TENM4: variants seen among roughly 807,000 people sequenced by gnomAD.
The protein encoded by TENM4 is teneurin-4.
TENM4 carries 82 observed loss-of-function variants against 243.3 expected under a neutral mutation model. The observed-to-expected ratio is 0.34, with a 90% CI of 0.28 to 0.40. The LOEUF (loss-of-function observed/expected upper bound fraction) is 0.40. Ranked by LOEUF, TENM4 falls within the 10% of genes least tolerant of loss-of-function variation. TENM4 has a pLI of 1.00. For missense variants in TENM4, 3,138 were observed against 3,673.3 expected, an observed-to-expected ratio of 0.85 and a Z score of 3.77; for synonymous variants, 1,412 against 1,456.3, an observed-to-expected ratio of 0.97 and a Z score of 0.69.
rs573012300 is a variant in TENM4, at chr11:78,683,701, C to T, written c.5260+4353G>A. Among the ~76,000 whole-genome samples, 1,369 of 148,752 alleles carry T rather than the reference C, an allele frequency of 9.2e-3. 17 individuals are homozygous for T. The highest frequency in any genetic ancestry group is 0.032 in the African/African-American group (1,277 of 39,948). ...CTGGCACTCCCTAGTGAGATGAACC[C>T]GGTACCTCAGATGGAAATGCAGAAA... is the stretch of plus-strand genomic sequence containing the variant. On this transcript the variant is annotated intron_variant, in intron 29 of 33. Transcript: ENST00000278550.
intron 3 of TENM4, among the ~76,000 whole-genome samples, chr11:79,153,328 C>T (rs473677): frequency 0.92 from 139,372 of 152,274 alleles, 64,435 homozygotes; most frequent in Middle Eastern, 0.99. Context: ...ATGTCCAAAG[C>T]AGATCATTCT....
At chr11:78,742,037 A>T (rs1405046427) in intron 19 of TENM4, among the ~76,000 whole-genome samples, 1 of 152,176 alleles carries the variant, frequency 6.6e-6, no homozygotes, top group East Asian at 1.9e-4. Flanking sequence ...GTTGTCATCA[A>T]CTTTTCCTGA....
At chr11:79,122,317 T>A (rs1336590135) in intron 4 of TENM4, among the ~76,000 whole-genome samples, 1 of 152,170 alleles carries the variant, frequency 6.6e-6, no homozygotes, top group Non-Finnish European at 1.5e-5. Context: ...TCGGGCACTG[T>A]TACTAAGAAG....
chr11:78,671,188 G>T (rs1015324075), intron 31 of TENM4, among the ~76,000 whole-genome samples: 1 of 152,246 alleles, frequency 6.6e-6, no homozygotes, highest in African/African-American at 2.4e-5. Flanking sequence ...ATGGGAATGG[G>T]AGAACCTGGT....
At chr11:78,946,025 T>A (rs761465874) in intron 6 of TENM4, among the ~76,000 whole-genome samples, 18 of 152,218 alleles carry the variant, frequency 1.2e-4, no homozygotes, top group Non-Finnish European at 4.4e-5. Flanking sequence ...TGCAGCAAGT[T>A]ATCCAGAAAA....
intron 1 of TENM4, among the ~76,000 whole-genome samples, chr11:79,404,374 T>G (rs59115154): frequency 0.011 from 1,679 of 152,204 alleles, 30 homozygotes; most frequent in African/African-American, 0.039. Context: ...AGGGTTAAAT[T>G]TTATGTGTGG....
intron 6 of TENM4, among the ~76,000 whole-genome samples, chr11:78,974,303 C>T (rs763211837): frequency 3.3e-5 from 5 of 152,134 alleles, no homozygotes; most frequent in Non-Finnish European, 5.9e-5. Flanking sequence ...ACATTTTACA[C>T]AGGATTTTCA....
chr11:78,714,685 C>T (rs555993343), intron 25 of TENM4, among the ~76,000 whole-genome samples: 42 of 152,160 alleles, frequency 2.8e-4, no homozygotes, highest in Non-Finnish European at 5.3e-4. Context: ...TCCCATCCTC[C>T]CTCCCCTCCC....
chr11:79,246,882 AT>A (rs5792844), intron 2 of TENM4, among the ~76,000 whole-genome samples: 94,940 of 151,194 alleles, frequency 0.63, 31,349 homozygotes, highest in African/African-American at 0.83. Context: ...CCGGTGTTCT[AT>A]TTTTTGCCCT....
Position 79,064,860 on chromosome 11 carries a change from G to C in TENM4, c.371C>G (p.Ser124Cys), listed in dbSNP as rs1368572540. The change falls in exon 6 of 34, where the codon TCC (serine) becomes TGC (cysteine). Residue 124 changes from serine to cysteine, a missense_variant. Coordinates refer to ENST00000278550, the MANE Select transcript of TENM4 (RefSeq NM_001098816.3). ...CCACAGACGCACGGGGTGCTCAGGGGACAGCACCGTGTCAGCCTCCATGTC... is the reference window on the plus strand; with the variant it reads ...CCACAGACGCACGGGGTGCTCAGGGCACAGCACCGTGTCAGCCTCCATGTC... ...DADMEADTVL[S>C]PEHPVRLWGR... The C allele has an allele frequency of 1.3e-6, 2 of 1,551,188 alleles. No individual in the cohort carries two copies. Among genetic ancestry groups the C allele is most frequent in the East Asian group, 2.4e-5 (1 of 40,912 alleles).
intron 2 of TENM4, among the ~76,000 whole-genome samples, chr11:79,252,445 A>C (rs961103385): frequency 4.6e-5 from 7 of 151,942 alleles, no homozygotes; most frequent in African/African-American, 1.5e-4. Context: ...CACTATGTTG[A>C]TCAGGCTGGC....
chr11:79,041,218 T>G (rs1355258322), intron 6 of TENM4, among the ~76,000 whole-genome samples: 2 of 152,116 alleles, frequency 1.3e-5, no homozygotes, highest in Admixed American at 6.5e-5. Context: ...CATCTGCCAC[T>G]GCACCTGGCT....
At chr11:78,666,060 T>TG (rs945431539) in intron 32 of TENM4, among the ~76,000 whole-genome samples, 28 of 151,804 alleles carry the variant, frequency 1.8e-4, no homozygotes, top group Non-Finnish European at 3.5e-4. Context: ...GAATTTTTTT[T>TG]TTGTTGTTGT....
At chr11:79,039,707 G>T (rs1239697793) in intron 6 of TENM4, among the ~76,000 whole-genome samples, 1 of 152,142 alleles carries the variant, frequency 6.6e-6, no homozygotes, top group Non-Finnish European at 1.5e-5. Context: ...CCTAGATGAT[G>T]GGTTGAAAGG....
At chr11:78,812,503 T>C (rs1433052661) in intron 13 of TENM4, among the ~76,000 whole-genome samples, 187 bp from the exon 14 acceptor site, 1 of 152,184 alleles carries the variant, frequency 6.6e-6, no homozygotes, top group Admixed American at 6.5e-5. Flanking sequence ...ACACCTAGAT[T>C]TGTAGGTGAT....
intron 1 of TENM4, among the ~76,000 whole-genome samples, chr11:79,399,107 T>C (rs1366605108): frequency 6.6e-6 from 1 of 152,174 alleles, no homozygotes; most frequent in African/African-American, 2.4e-5. Flanking sequence ...TGACTTTCCA[T>C]AGGCAGAAAC....
intron 18 of TENM4, among the ~76,000 whole-genome samples, chr11:78,763,150 A>G (rs921149233): frequency 1.3e-5 from 2 of 152,218 alleles, no homozygotes; most frequent in African/African-American, 4.8e-5. Flanking sequence ...GTTTGCTTCT[A>G]TGTCCTTCAA....
In TENM4 at chr11:78,698,436, C is replaced by T. The variant is rs573249644; in HGVS notation, c.5087+3090G>A. ...CCAACCAACCAACCAAACAAACAAA[C>T]AAATAAACAAACAGCTTGTTTCAAT... On this transcript the variant is annotated intron_variant, in intron 28 of 33. Transcript: ENST00000278550. Among the ~76,000 whole-genome samples, 9 of 152,060 alleles carry T rather than the reference C, an allele frequency of 5.9e-5. No individual in the cohort carries two copies. In the South Asian group the frequency reaches 1.9e-3, roughly 32 times the overall value.
At chr11:79,043,896 T>C (rs767646848) in intron 6 of TENM4, among the ~76,000 whole-genome samples, 3 of 152,198 alleles carry the variant, frequency 2.0e-5, no homozygotes, top group Non-Finnish European at 2.9e-5. Context: ...TCTGTACTGA[T>C]GCCAACCCAA....
Sources: gnomAD v4.1 joint callset for allele counts (sites outside exome capture counted in the v4.1 genomes callset) on GRCh38, gnomAD v4.1.1 for gene constraint, MANE v1.5 for transcripts, NCBI Gene and HGNC (gene_info 2026-07-23, HGNC 2026-07-21) for gene names.